TNKS2: variants seen among roughly 807,000 people sequenced by gnomAD.
The protein encoded by TNKS2 is tankyrase 2.
A neutral mutation model predicts 137.6 loss-of-function variants in TNKS2; 72 were observed. That is an observed-to-expected ratio of 0.52 (90% CI 0.43 to 0.64). The LOEUF is 0.64. Among genes scored for constraint, TNKS2 ranks in the 30% least tolerant of loss-of-function variants. TNKS2 has a pLI of 0.00. For missense variants in TNKS2, 1,049 were observed against 1,410.2 expected, an observed-to-expected ratio of 0.74 and a Z score of 4.10; for synonymous variants, 516 against 512.1, an observed-to-expected ratio of 1.01 and a Z score of -0.10.
At chr10:91,847,925 TTTAAA>T (rs1483885455) in intron 18 of TNKS2, among the ~76,000 whole-genome samples, 10 of 152,248 alleles carry the variant, frequency 6.6e-5, no homozygotes, top group African/African-American at 2.2e-4. Flanking sequence ...CTTTGCCATA[TTTAAA>T]TTATATTTTG....
At chr10:91,799,555 A>G (rs1255007234) in intron 1 of TNKS2, among the ~76,000 whole-genome samples, 2 of 152,218 alleles carry the variant, frequency 1.3e-5, no homozygotes, top group African/African-American at 2.4e-5. Context: ...AGATAGTGCA[A>G]GTACTTTAGC....
chr10:91,811,427 C>G (rs1326877882), intron 1 of TNKS2, among the ~76,000 whole-genome samples: 1 of 151,926 alleles, frequency 6.6e-6, no homozygotes, highest in African/African-American at 2.4e-5. Flanking sequence ...CTGCTTTCCC[C>G]TAGTTTAGGA....
intron 7 of TNKS2, 90 bp downstream of exon 7, chr10:91,822,452 C>A: frequency 9.2e-7 from 1 of 1,084,116 alleles, no homozygotes; most frequent in South Asian, 1.5e-5. Flanking sequence ...TTTTTATTTT[C>A]TGTGTTCTTA....
At chr10:91,806,090 ATC>A (rs1844319439) in intron 1 of TNKS2, among the ~76,000 whole-genome samples, 1 of 134,694 alleles carries the variant, frequency 7.4e-6, no homozygotes, top group East Asian at 2.1e-4. Context: ...TTATTTACTG[ATC>A]TCTCTGAAAC....
At chr10:91,812,193 G>A (rs1844532781) in intron 1 of TNKS2, among the ~76,000 whole-genome samples, 1 of 152,094 alleles carries the variant, frequency 6.6e-6, no homozygotes, top group Admixed American at 6.5e-5. Context: ...TTCAAAGCTA[G>A]GTGTAAAAAG....
chr10:91,848,267 G>T, intron 18 of TNKS2, 116 bp from the exon 19 acceptor site: 3 of 1,131,874 alleles, frequency 2.7e-6, no homozygotes, highest in South Asian at 3.6e-5. Flanking sequence ...ATCCTCCATT[G>T]TGATAGTACT....
intron 6 of TNKS2, among the ~76,000 whole-genome samples, 190 bp downstream of exon 6, chr10:91,820,223 A>G (rs911694939): frequency 9.2e-5 from 14 of 152,252 alleles, no homozygotes; most frequent in South Asian, 4.1e-4. Flanking sequence ...GAAGGTTTAC[A>G]TTACACTTCA....
chr10:91,856,097 A>G (rs1428621109), intron 23 of TNKS2, among the ~76,000 whole-genome samples: 1 of 152,158 alleles, frequency 6.6e-6, no homozygotes, highest in Non-Finnish European at 1.5e-5. Flanking sequence ...AAGTCCCCAA[A>G]TATATTATCT....
intron 7 of TNKS2, among the ~76,000 whole-genome samples, chr10:91,823,831 G>A (rs1005826868): frequency 6.6e-6 from 1 of 152,024 alleles, no homozygotes; most frequent in South Asian, 2.1e-4. Context: ...GGTTCCTTTC[G>A]GGCCTGAGTC....
chr10:91,812,607 T>A, intron 1 of TNKS2: 1 of 192,016 alleles, frequency 5.2e-6, no homozygotes. Flanking sequence ...AGGTTGTGAT[T>A]TACATATTTA....
At chr10:91,810,398 C>CAA (rs11387458) in intron 1 of TNKS2, among the ~76,000 whole-genome samples, 4,584 of 151,360 alleles carry the variant, frequency 0.03, 194 homozygotes, top group East Asian at 0.21. Flanking sequence ...ACAACAACAA[C>CAA]AAAAAAAACC....
chr10:91,853,628 G>T (rs1191523844), intron 21 of TNKS2, among the ~76,000 whole-genome samples: 1 of 152,186 alleles, frequency 6.6e-6, no homozygotes, highest in Non-Finnish European at 1.5e-5. Context: ...TGATCTTTCA[G>T]TATTGATAAA....
chr10:91,834,093 T>C, intron 12 of TNKS2, 69 bp downstream of exon 12: 1 of 1,318,212 alleles, frequency 7.6e-7, no homozygotes, highest in Non-Finnish European at 1.0e-6. Context: ...TATCAGGTAT[T>C]ATAGGTAGGA....
chr10:91,851,424 A>T (rs1842535258), intron 21 of TNKS2, 88 bp downstream of exon 21: 1 of 676,912 alleles, frequency 1.5e-6, no homozygotes, highest in Non-Finnish European at 1.9e-6. Context: ...TAAAAATATG[A>T]GAGAATCTGT....
At chr10:91,802,289 G>A (rs1844196274) in intron 1 of TNKS2, among the ~76,000 whole-genome samples, 1 of 152,148 alleles carries the variant, frequency 6.6e-6, no homozygotes, top group Non-Finnish European at 1.5e-5. Flanking sequence ...GCATAGATAC[G>A]AAAATTAGTG....
rs1408265920 is a variant in TNKS2, at chr10:91,864,801, T to A, written c.*1802T>A. The A allele has an allele frequency of 2.6e-5, 4 of 152,650 alleles. No individual in the cohort carries two copies. Among genetic ancestry groups the A allele is most frequent in the African/African-American group, 9.6e-5 (4 of 41,468 alleles). The allele number at this position is 152,650 out of a possible 1,614,324, so 9.5% of individuals were successfully genotyped here. ...TTATCTAAGCTTCCAGGTTTTATAA[T>A]TAGAAGATAATGAGAGAATTAATGG... On this transcript the variant is annotated 3_prime_UTR_variant, in exon 27 of 27. Transcript: ENST00000371627.
At chr10:91,811,946 G>A (rs1010415478) in intron 1 of TNKS2, among the ~76,000 whole-genome samples, 1 of 151,978 alleles carries the variant, frequency 6.6e-6, no homozygotes, top group African/African-American at 2.4e-5. Flanking sequence ...TGTAGTCCCA[G>A]CTACTCTGGA....
At chr10:91,823,318 T>G (rs1844961161) in intron 7 of TNKS2, among the ~76,000 whole-genome samples, 1 of 92,710 alleles carries the variant, frequency 1.1e-5, no homozygotes, top group Non-Finnish European at 2.0e-5. Flanking sequence ...TTTGGTTTTT[T>G]GGTTTTTTTT....
At chr10:91,809,717 C>T (rs192898718) in intron 1 of TNKS2, among the ~76,000 whole-genome samples, 45 of 151,856 alleles carry the variant, frequency 3.0e-4, no homozygotes, top group African/African-American at 9.4e-4. Flanking sequence ...TAGACTATGG[C>T]ACATAGCATT....
Sources: gnomAD v4.1 joint callset for allele counts (sites outside exome capture counted in the v4.1 genomes callset) on GRCh38, gnomAD v4.1.1 for gene constraint, MANE v1.5 for transcripts, NCBI Gene and HGNC (gene_info 2026-07-23, HGNC 2026-07-21) for gene names.